Variants in CASZ1 observed in about 807,000 individuals in gnomAD.
CASZ1 encodes the protein castor zinc finger 1.
Under a neutral mutation model 135.2 loss-of-function variants are expected in CASZ1, and 28 were observed. That is an observed-to-expected ratio of 0.21 (90% CI 0.15 to 0.28). The LOEUF is 0.28. Among genes scored for constraint, CASZ1 ranks in the 10% least tolerant of loss-of-function variants. The pLI is 1.00. For synonymous variants in CASZ1, 1,068 were observed against 1,073.4 expected (o/e 0.99, Z 0.10); for missense variants, 2,161 against 2,453.3 (o/e 0.88, Z 2.52).
chr1:10,681,959 G>A (rs551887402), intron 4 of CASZ1, among the ~76,000 whole-genome samples: 17 of 152,198 alleles, frequency 1.1e-4, no homozygotes, highest in Non-Finnish European at 2.4e-4. Context: ...ATTTCTCGGC[G>A]AGAGGAACAA....
At chr1:10,744,436 T>G (rs1347799128) in intron 2 of CASZ1, among the ~76,000 whole-genome samples, 1 of 24,294 alleles carries the variant, frequency 4.1e-5, no homozygotes, top group African/African-American at 2.0e-4. Flanking sequence ...AGCAGGCATG[T>G]CCTGGGCACC....
rs754010645 is a variant in CASZ1 at position 10,639,767 on chromosome 1, G to A, written c.4455C>T (p.Asp1485=). 26 of 1,600,214 alleles carry A rather than the reference G, an allele frequency of 1.6e-5. 1 individual carries two copies. In the South Asian group the frequency reaches 2.7e-4, roughly 17 times the overall value. ...GCTTGAAGTCGTCCAGCACCAGGTT[G>A]TCCACGCGGTCGTGGTGCTGCGCGT... ...YKHAQHHDRV[D]NLVLDDFKRF... is the part of the protein sequence containing the mutation. Residue 1485 remains aspartate (D), a synonymous_variant, in exon 21 of 21, where the codon GAC becomes GAT. Transcript: ENST00000377022. This position sits in a 1 kb window ranked among gnomAD's most constrained non-coding sequence, Gnocchi z 4.0.
chr1:10,713,890 C>T (rs779847386), intron 2 of CASZ1, among the ~76,000 whole-genome samples: 8 of 152,232 alleles, frequency 5.3e-5, no homozygotes, highest in South Asian at 2.1e-4. Context: ...TCAGGAGCTC[C>T]ACCACCGTCT....
chr1:10,778,852 G>A (rs555374122), intron 1 of CASZ1, among the ~76,000 whole-genome samples: 26 of 152,264 alleles, frequency 1.7e-4, no homozygotes, highest in Non-Finnish European at 3.1e-4. Context: ...AGAACACCAG[G>A]GACCCGCCTG....
At chr1:10,718,192 G>A (rs1033520622) in intron 2 of CASZ1, among the ~76,000 whole-genome samples, 7 of 152,092 alleles carry the variant, frequency 4.6e-5, no homozygotes, top group African/African-American at 7.2e-5. Flanking sequence ...TTCCTCCCCC[G>A]ACTGGTTCGC....
At position 10,662,553 on chromosome 1, in the gene CASZ1, ACT is replaced by A. The variant is rs200396427; in HGVS notation, c.506-2019_506-2018del. ...ACACAACACACATGCAATCACACAC[ACT>A]CTACACACCCAGTCATGTGCTCACA... On this transcript the variant is annotated intron_variant, in intron 5 of 20. Transcript: ENST00000377022. Among the ~76,000 whole-genome samples the A allele has an allele frequency of 7.6e-3, 1,140 of 150,986 alleles. 7 individuals are homozygous for A. Among genetic ancestry groups the A allele is most frequent in the Middle Eastern group, 0.017 (5 of 292 alleles).
At chr1:10,749,039 G>A (rs1007049545) in intron 2 of CASZ1, among the ~76,000 whole-genome samples, 8 of 152,168 alleles carry the variant, frequency 5.3e-5, no homozygotes, top group African/African-American at 1.7e-4. Flanking sequence ...CGGCTGCTGC[G>A]TCCCAGCTTC....
intron 11 of CASZ1, chr1:10,651,850 C>T (rs1642600111): frequency 6.6e-6 from 1 of 152,270 alleles, no homozygotes; most frequent in African/African-American, 2.4e-5. Flanking sequence ...CGGCCCCCTC[C>T]CCTGTGCTTG....
intron 2 of CASZ1, among the ~76,000 whole-genome samples, chr1:10,705,761 G>A (rs1343704854): frequency 5.3e-5 from 8 of 152,242 alleles, no homozygotes; most frequent in African/African-American, 1.2e-4. Flanking sequence ...TTGCAAAAAC[G>A]TCAGAAAGTG....
At chr1:10,645,686 A>G (rs1642346194) in intron 17 of CASZ1, among the ~76,000 whole-genome samples, 1 of 152,134 alleles carries the variant, frequency 6.6e-6, no homozygotes, top group Non-Finnish European at 1.5e-5. Context: ...ACTGCTCTAT[A>G]CTAGCACTTC....
Position 10,755,592 on chromosome 1 carries a change from G to A in CASZ1, c.-77+5109C>T, listed in dbSNP as rs549397547. 6.6e-6 allele frequency among the ~76,000 whole-genome samples: 1 copy of A among 152,158 alleles called. No homozygotes were observed. The highest frequency in any genetic ancestry group is 1.5e-5 in the Non-Finnish European group (1 of 68,020). ...CCCTTCCCAATCCCTCTTCCCTGGGGCCCGTGCATGGCGAGATGCGGGGTT... is the reference window on the plus strand; with the variant it reads ...CCCTTCCCAATCCCTCTTCCCTGGGACCCGTGCATGGCGAGATGCGGGGTT... On this transcript the variant is annotated intron_variant, in intron 2 of 20. Coordinates refer to ENST00000377022, the MANE Select transcript of CASZ1 (RefSeq NM_001079843.3). This position sits in a 1 kb window ranked among gnomAD's most constrained non-coding sequence, Gnocchi z 4.3.
At chr1:10,688,437 G>C (rs1638662939) in intron 4 of CASZ1, among the ~76,000 whole-genome samples, 1 of 152,274 alleles carries the variant, frequency 6.6e-6, no homozygotes, top group South Asian at 2.1e-4. Flanking sequence ...TTGGAGGGAG[G>C]GGGAGGACAA....
chr1:10,795,148 G>C (rs982962407), intron 1 of CASZ1, among the ~76,000 whole-genome samples: 1 of 151,922 alleles, frequency 6.6e-6, no homozygotes, highest in African/African-American at 2.4e-5. Context: ...CACCCCGGGC[G>C]CACGAATCGG....
intron 2 of CASZ1, among the ~76,000 whole-genome samples, chr1:10,723,965 A>G (rs535364548): frequency 2.6e-4 from 40 of 152,262 alleles, no homozygotes; most frequent in African/African-American, 9.6e-4. Flanking sequence ...CCATGCCAGC[A>G]GGGGTTCAAC....
At chr1:10,681,883 G>A (rs1638434388) in intron 4 of CASZ1, among the ~76,000 whole-genome samples, 1 of 151,278 alleles carries the variant, frequency 6.6e-6, no homozygotes, top group African/African-American at 2.5e-5. Flanking sequence ...TGAGCCCCAG[G>A]CTCACCTCCA....
In CASZ1 at chr1:10,794,541, C is replaced by T. The variant is rs928797346; in HGVS notation, c.-234+2023G>A. On this transcript the variant is annotated intron_variant, in intron 1 of 20. Coordinates refer to ENST00000377022, the MANE Select transcript of CASZ1 (RefSeq NM_001079843.3). This position sits in a 1 kb window ranked among gnomAD's most constrained non-coding sequence, Gnocchi z 5.6. The stretch of plus-strand genomic sequence containing the variant: ...TTTCCGGTGGGCACGCACCCGCACC[C>T]GCACCGTAGCCAGCGTGGCTGGAAG... Among the ~76,000 whole-genome samples the T allele has an allele frequency of 1.3e-5, 2 of 152,082 alleles. No individual in the cohort carries two copies. Among genetic ancestry groups the T allele is most frequent in the African/African-American group, 2.4e-5 (1 of 41,410 alleles).
rs563080754 is a variant in CASZ1 at position 10,720,438 on chromosome 1, G to A, written c.-76-14894C>T. Among the ~76,000 whole-genome samples, 1 of 152,156 alleles carries A rather than the reference G, an allele frequency of 6.6e-6. No individual in the cohort carries two copies. The highest frequency in any genetic ancestry group is 1.5e-5 in the Non-Finnish European group (1 of 68,042). Reference sequence around the variant, plus strand: ...TCCCACTGTGCTCCCCAAAGAGCCTGGGGAAGCTCAGAAATGTCTAGAGGA... The same window carrying A: ...TCCCACTGTGCTCCCCAAAGAGCCTAGGGAAGCTCAGAAATGTCTAGAGGA... On this transcript the variant is annotated intron_variant, in intron 2 of 20. Coordinates refer to ENST00000377022, the MANE Select transcript of CASZ1 (RefSeq NM_001079843.3). This position sits in a 1 kb window ranked among gnomAD's most constrained non-coding sequence, Gnocchi z 5.7.
In CASZ1 at chr1:10,764,624, C is replaced by T. The variant is rs75644391; in HGVS notation, c.-233-3767G>A. ...GGTGCCAAAGCCAGGCCTGGGCTGACAGGCTCCAAGGCCCAACTCACTTAA... is the reference window on the plus strand; with the variant it reads ...GGTGCCAAAGCCAGGCCTGGGCTGATAGGCTCCAAGGCCCAACTCACTTAA... On this transcript the variant is annotated intron_variant, in intron 1 of 20. Coordinates refer to ENST00000377022, the MANE Select transcript of CASZ1 (RefSeq NM_001079843.3). Among the ~76,000 whole-genome samples the T allele has an allele frequency of 6.9e-3, 1,058 of 152,314 alleles. 9 individuals carry two copies. The highest frequency in any genetic ancestry group is 0.011 in the Non-Finnish European group (730 of 68,028).
At chr1:10,778,197 ACT>A (rs1052658858) in intron 1 of CASZ1, among the ~76,000 whole-genome samples, 8 of 151,814 alleles carry the variant, frequency 5.3e-5, no homozygotes, top group African/African-American at 1.2e-4. Context: ...AATCAGACAC[ACT>A]CTCACACACA....
Sources: gnomAD v4.1 joint callset for allele counts (sites outside exome capture counted in the v4.1 genomes callset) on GRCh38, gnomAD v4.1.1 for gene constraint, Gnocchi (gnomAD v3.1) non-coding constraint, MANE v1.5 for transcripts, NCBI Gene and HGNC (gene_info 2026-07-23, HGNC 2026-07-21) for gene names.